CD3E: variants seen among roughly 807,000 people sequenced by gnomAD.
CD3E encodes T-cell surface glycoprotein CD3 epsilon chain.
A neutral mutation model predicts 34.7 loss-of-function variants in CD3E; 16 were observed. The ratio of observed to expected loss-of-function variants is 0.46; its 90% CI spans 0.31 to 0.70. The LOEUF is 0.70. Ranked by LOEUF, CD3E falls within the 30% of genes least tolerant of loss-of-function variation. The pLI is 0.05. For missense variants in CD3E, 223 were observed against 253.9 expected (o/e 0.88, Z 0.83); for synonymous variants, 70 against 90.8 (o/e 0.77, Z 1.30).
chr11:118,305,769 T>G (rs998583273), intron 2 of CD3E, among the ~76,000 whole-genome samples: 2 of 152,212 alleles, frequency 1.3e-5, no homozygotes, highest in Non-Finnish European at 2.9e-5. Context: ...TTAAACCACA[T>G]AGTAAGTGCC....
At chr11:118,314,050 C>T (rs1333663889) in intron 7 of CD3E, among the ~76,000 whole-genome samples, 176 bp downstream of exon 7, 1 of 152,178 alleles carries the variant, frequency 6.6e-6, no homozygotes, top group Non-Finnish European at 1.5e-5. Context: ...TCACATCACT[C>T]CCCTCCTTCC....
chr11:118,315,538 T>G lies in CD3E; in HGVS notation c.620T>G (p.Ile207Ser). The change falls in exon 9 of 9, where the codon ATC becomes AGC. Residue 207 changes from isoleucine (I) to serine (S), a missense_variant. Transcript: ENST00000361763. ...TATTCTGGCCTGAATCAGAGACGCATCTGACCCTCTGGAGAACACTGCCTC... is the reference window on the plus strand; with the variant it reads ...TATTCTGGCCTGAATCAGAGACGCAGCTGACCCTCTGGAGAACACTGCCTC... ...DLYSGLNQRR[I>S] 1 of 1,612,540 alleles carries G rather than the reference T, an allele frequency of 6.2e-7. No individual in the cohort carries two copies. The highest frequency in any genetic ancestry group is 8.5e-7 in the Non-Finnish European group (1 of 1,179,454).
At chr11:118,312,346 C>T in intron 5 of CD3E, 176 bp downstream of exon 5, 2 of 770,840 alleles carry the variant, frequency 2.6e-6, no homozygotes, top group Non-Finnish European at 4.5e-6. Context: ...TTCTTTACAT[C>T]CATCTTACCC....
Position 118,313,708 on chromosome 11 carries a change from G to A in CD3E, c.354G>A (p.Val118=). Reference sequence around the variant, plus strand: ...CTCTCCCCACCCCACCCCCCACAGTGTGTGAGAACTGCATGGAGATGGATG... The same window carrying A: ...CTCTCCCCACCCCACCCCCCACAGTATGTGAGAACTGCATGGAGATGGATG... ...ANFYLYLRAR[V]CENCMEMDVM... is the part of the protein sequence containing the mutation. The change falls in exon 7 of 9, where the codon GTG becomes GTA. Residue 118 remains valine (V), a splice_region_variant and synonymous_variant. Transcript: ENST00000361763. The A allele has an allele frequency of 5.6e-6, 9 of 1,613,940 alleles. No individual in the cohort carries two copies. The highest frequency in any genetic ancestry group is 7.6e-6 in the Non-Finnish European group (9 of 1,179,944).
intron 7 of CD3E, among the ~76,000 whole-genome samples, 156 bp downstream of exon 7, chr11:118,314,030 G>A (rs1948151478): frequency 6.6e-6 from 1 of 152,110 alleles, no homozygotes; most frequent in Non-Finnish European, 1.5e-5. Flanking sequence ...TCAACAGACG[G>A]TTTCAAATCT....
chr11:118,313,966 A>T, intron 7 of CD3E, 92 bp downstream of exon 7: 1 of 1,257,924 alleles, frequency 7.9e-7, no homozygotes, highest in South Asian at 1.3e-5. Flanking sequence ...GCTAGGTCAG[A>T]ACAGCTTCTC....
At chr11:118,309,558 A>G (rs547352793) in intron 4 of CD3E, among the ~76,000 whole-genome samples, 2 of 151,536 alleles carry the variant, frequency 1.3e-5, no homozygotes, top group East Asian at 3.9e-4. Context: ...CCTGGGCGAC[A>G]GAGCAAGACT....
intron 8 of CD3E, 148 bp downstream of exon 8, chr11:118,314,642 G>A (rs968602711): frequency 6.1e-5 from 44 of 716,842 alleles, no homozygotes; most frequent in Non-Finnish European, 9.8e-5. Flanking sequence ...TGCCACCTCT[G>A]CGTCCTTCAT....
In CD3E at chr11:118,305,013, G is replaced by T. The variant is rs201598400; in HGVS notation, c.49+12G>T. Reference sequence around the variant, plus strand: ...CTGCCTCTTATCAGGTGAGTAGGATGGAGTGGAAAGGGTGGTGTGTCTCCA... The same window carrying T: ...CTGCCTCTTATCAGGTGAGTAGGATTGAGTGGAAAGGGTGGTGTGTCTCCA... On this transcript the variant is annotated intron_variant, in intron 2 of 8. Transcript: ENST00000361763. 6.2e-7 allele frequency: 1 copy of T among 1,613,148 alleles called. No individual in the cohort carries two copies. Among genetic ancestry groups the T allele is most frequent in the Non-Finnish European group, 8.5e-7 (1 of 1,179,100 alleles).
chr11:118,315,504 C>T lies in CD3E; in HGVS notation c.586C>T (p.Arg196Trp), dbSNP rs756421356. 9.3e-6 allele frequency: 15 copies of T among 1,613,364 alleles called. No homozygotes were observed. Among genetic ancestry groups the T allele is most frequent in the Middle Eastern group, 3.3e-4 (2 of 6,084 alleles). Reference protein sequence around the residue: ...PDYEPIRKGQRDLYSGLNQRR... With the variant: ...PDYEPIRKGQWDLYSGLNQRR... ...CCCCCAGCCCATCCGGAAAGGCCAG[C>T]GGGACCTGTATTCTGGCCTGAATCA... The change falls in exon 9 of 9, where the codon CGG becomes TGG. Residue 196 changes from arginine (R) to tryptophan (W), a missense_variant. Transcript: ENST00000361763.
intron 3 of CD3E, among the ~76,000 whole-genome samples, chr11:118,308,155 C>A (rs150357522): frequency 2.6e-5 from 4 of 152,150 alleles, no homozygotes; most frequent in African/African-American, 9.7e-5. Context: ...GGTGACACAT[C>A]GAGACTGTCT....
chr11:118,314,421 G>A, intron 7 of CD3E, 27 bp from the exon 8 acceptor site: 1 of 1,609,666 alleles, frequency 6.2e-7, no homozygotes, highest in Non-Finnish European at 8.5e-7. Flanking sequence ...TCATGGGAAT[G>A]AAATGTTTCC....
At chr11:118,309,555 G>A (rs1383790492) in intron 4 of CD3E, among the ~76,000 whole-genome samples, 2 of 151,500 alleles carry the variant, frequency 1.3e-5, no homozygotes, top group East Asian at 2.0e-4. Flanking sequence ...CAGCCTGGGC[G>A]ACAGAGCAAG....
intron 4 of CD3E, among the ~76,000 whole-genome samples, chr11:118,309,297 C>T (rs762789449): frequency 1.9e-4 from 29 of 152,090 alleles, no homozygotes; most frequent in African/African-American, 6.8e-4. Flanking sequence ...GTAGGAGGGC[C>T]GGGCATGGTG....
At chr11:118,305,608 G>A (rs757161500) in intron 2 of CD3E, among the ~76,000 whole-genome samples, 2 of 152,148 alleles carry the variant, frequency 1.3e-5, no homozygotes, top group Admixed American at 6.5e-5. Flanking sequence ...TTATTTAGAC[G>A]TGTTAACTGG....
At chr11:118,313,003 C>T in intron 6 of CD3E, 137 bp downstream of exon 6, 1 of 935,000 alleles carries the variant, frequency 1.1e-6, no homozygotes, top group Non-Finnish European at 1.7e-6. Flanking sequence ...AATCCTGGGA[C>T]TCTCTGGTAC....
chr11:118,306,105 C>T (rs910711654), intron 2 of CD3E, among the ~76,000 whole-genome samples: 2 of 151,976 alleles, frequency 1.3e-5, no homozygotes, highest in African/African-American at 2.4e-5. Flanking sequence ...TATTGAGTAG[C>T]GAGGGGCAGG....
rs201116390 is a variant in CD3E at position 118,315,632 on chromosome 11, C to G, written c.*90C>G. The G allele has an allele frequency of 9.4e-5, 107 of 1,135,534 alleles. No homozygotes were observed. The highest frequency in any genetic ancestry group is 1.3e-4 in the Non-Finnish European group (98 of 770,348). The allele number at this position is 1,135,534 out of a possible 1,614,324, so 70.3% of individuals were successfully genotyped here. A position where few individuals can be genotyped will look rare whatever the true frequency, so the allele number is the denominator to read the frequency against. On this transcript the variant is annotated 3_prime_UTR_variant, in exon 9 of 9. Coordinates refer to ENST00000361763, the MANE Select transcript of CD3E (RefSeq NM_000733.4). ...TTTCCTGGGCTAGTCTTGGACCCCA[C>G]GAGAGAGAATCGTTCCTCAGCCTCA...
Position 118,315,489 on chromosome 11 carries a change from A to T in CD3E, c.571A>T (p.Ile191Phe). The change falls in exon 9 of 9, where the codon ATC becomes TTC. Residue 191 changes from isoleucine to phenylalanine, a missense_variant. Transcript: ENST00000361763. ...CCCCTCTCTATTTCACCCCCAGCCC[A>T]TCCGGAAAGGCCAGCGGGACCTGTA... ...PPVPNPDYEPIRKGQRDLYSG... is the reference protein window; with the variant it reads ...PPVPNPDYEPFRKGQRDLYSG... 6.2e-7 allele frequency: 1 copy of T among 1,612,520 alleles called. No individual in the cohort carries two copies. The highest frequency in any genetic ancestry group is 8.5e-7 in the Non-Finnish European group (1 of 1,179,466).
Sources: gnomAD v4.1 joint callset for allele counts (sites outside exome capture counted in the v4.1 genomes callset) on GRCh38, gnomAD v4.1.1 for gene constraint, MANE v1.5 for transcripts, NCBI Gene and HGNC (gene_info 2026-07-23, HGNC 2026-07-21) for gene names.